RPH3AL: variants seen among roughly 807,000 people sequenced by gnomAD.
The protein encoded by RPH3AL is rabphilin 3A like (without C2 domains), also known as rab effector Noc2.
Under a neutral mutation model 43.1 loss-of-function variants are expected in RPH3AL, and 38 were observed. That is an observed-to-expected ratio of 0.88 (90% CI 0.68 to 1.15). RPH3AL has a LOEUF of 1.15. Ranked by LOEUF, RPH3AL falls within the 50% of genes most tolerant of loss-of-function variation. The pLI is 0.00. For missense variants in RPH3AL, 462 were observed against 423.2 expected (o/e 1.09, Z -0.81); for synonymous variants, 189 against 176.3 (o/e 1.07, Z -0.57).
intron 6 of RPH3AL, among the ~76,000 whole-genome samples, chr17:269,080 G>T (rs182630179): frequency 2.6e-5 from 4 of 152,060 alleles, no homozygotes; most frequent in South Asian, 2.1e-4. Flanking sequence ...GGGTTTCACC[G>T]TGTTAGCCAG....
At chr17:348,392 T>C (rs2045285964) in intron 1 of RPH3AL, among the ~76,000 whole-genome samples, 1 of 152,190 alleles carries the variant, frequency 6.6e-6, no homozygotes, top group African/African-American at 2.4e-5. Flanking sequence ...TTAATAATAA[T>C]GTATCAGTAT....
At chr17:293,468 G>C (rs990049174) in intron 5 of RPH3AL, among the ~76,000 whole-genome samples, 9 of 152,214 alleles carry the variant, frequency 5.9e-5, no homozygotes, top group Admixed American at 3.9e-4. Flanking sequence ...GGATGGCTGG[G>C]GGCCGGGGCT....
intron 1 of RPH3AL, among the ~76,000 whole-genome samples, chr17:350,855 G>A (rs114352463): frequency 0.011 from 1,681 of 152,308 alleles, 48 homozygotes; most frequent in African/African-American, 0.039. Context: ...GCAGGAAACA[G>A]CAGGCTTCCT....
intron 8 of RPH3AL, among the ~76,000 whole-genome samples, chr17:216,583 G>T (rs538683336): frequency 6.6e-6 from 1 of 152,068 alleles, no homozygotes; most frequent in Admixed American, 6.5e-5. Context: ...GGAGCGAGGG[G>T]ACAAGAGCCC....
chr17:294,839 G>C (rs1164753695), intron 5 of RPH3AL, among the ~76,000 whole-genome samples: 2 of 62,048 alleles, frequency 3.2e-5, no homozygotes, highest in Non-Finnish European at 3.5e-5. Flanking sequence ...TGGATGGACA[G>C]AGGGAATGCA....
rs139887483 is a variant in RPH3AL, at chr17:274,724, G to A, written c.438+7044C>T. 3.9e-4 allele frequency among the ~76,000 whole-genome samples: 59 copies of A among 152,310 alleles called. No homozygotes were observed. The East Asian group carries it at 7.9e-3, about 20-fold the overall frequency. On this transcript the variant is annotated intron_variant, in intron 6 of 9. Transcript: ENST00000331302. The surrounding 1 kb of genome is among the most constrained non-coding windows in gnomAD (Gnocchi z 4.7). The stretch of plus-strand genomic sequence containing the variant: ...ACCAAGGGAGGGGCTATGAGGAGAC[G>A]CCTTGGAGTCAATCCTGGGTCTGCG...
At chr17:239,758 C>G (rs1436487694) in intron 7 of RPH3AL, among the ~76,000 whole-genome samples, 4 of 152,152 alleles carry the variant, frequency 2.6e-5, no homozygotes, top group Admixed American at 2.0e-4. Flanking sequence ...TCCTGAGTAG[C>G]TGGGACTACA....
chr17:319,349 G>A (rs529643437), intron 5 of RPH3AL, 71 bp downstream of exon 5: 114 of 1,551,054 alleles, frequency 7.3e-5, no homozygotes, highest in Admixed American at 1.3e-4. Flanking sequence ...GAGCCAGGAT[G>A]CAAAGCCACA....
chr17:308,214 G>A (rs2043550689), intron 5 of RPH3AL, among the ~76,000 whole-genome samples: 1 of 152,240 alleles, frequency 6.6e-6, no homozygotes, highest in Non-Finnish European at 1.5e-5. Flanking sequence ...TGCTTCTACA[G>A]CTCCAGCAAT....
intron 2 of RPH3AL, chr17:331,387 A>G: frequency 4.2e-6 from 1 of 235,716 alleles, no homozygotes; most frequent in South Asian, 3.1e-5. Context: ...ACTGATGGCA[A>G]GTCTGTGGCT....
chr17:281,006 C>T (rs564771206), intron 6 of RPH3AL, among the ~76,000 whole-genome samples: 1 of 152,200 alleles, frequency 6.6e-6, no homozygotes, highest in Non-Finnish European at 1.5e-5. Flanking sequence ...CTGTCCCAGC[C>T]CTGCCTCCCC....
chr17:271,698 A>G (rs141334265), intron 6 of RPH3AL, among the ~76,000 whole-genome samples: 7 of 152,330 alleles, frequency 4.6e-5, no homozygotes, highest in Non-Finnish European at 5.9e-5. Context: ...TAGATATACA[A>G]TCATGTCATC....
intron 6 of RPH3AL, among the ~76,000 whole-genome samples, chr17:268,887 T>G (rs575906184): frequency 4.6e-5 from 7 of 152,162 alleles, no homozygotes; most frequent in African/African-American, 1.7e-4. Flanking sequence ...TTATTTATTA[T>G]TATTTTTTTG....
Position 215,061 on chromosome 17 carries a change from G to A in RPH3AL, c.876+593C>T, listed in dbSNP as rs2040763670. On this transcript the variant is annotated intron_variant, in intron 9 of 9. Coordinates refer to ENST00000331302, the MANE Select transcript of RPH3AL (RefSeq NM_006987.4). The surrounding 1 kb of genome is among the most constrained non-coding windows in gnomAD (Gnocchi z 4.1). ...CTCCACACCCCGGGGACGGAGATCAGCTGCTGCCCTGGTGCATGCGTGTAC... is the reference window on the plus strand; with the variant it reads ...CTCCACACCCCGGGGACGGAGATCAACTGCTGCCCTGGTGCATGCGTGTAC... 1.3e-5 allele frequency among the ~76,000 whole-genome samples: 2 copies of A among 152,226 alleles called. No individual in the cohort carries two copies. Among genetic ancestry groups the A allele is most frequent in the African/African-American group, 4.8e-5 (2 of 41,474 alleles).
chr17:329,470 C>T (rs535877987), intron 2 of RPH3AL, among the ~76,000 whole-genome samples: 2 of 152,262 alleles, frequency 1.3e-5, no homozygotes, highest in Admixed American at 6.5e-5. Flanking sequence ...GAGCGAAACT[C>T]CGTCTCAAAA....
rs376964946 is a variant in RPH3AL at position 237,141 on chromosome 17, G to A, written c.613+9970C>T. Among the ~76,000 whole-genome samples the A allele has an allele frequency of 1.6e-4, 25 of 152,302 alleles. No homozygotes were observed. The South Asian group carries it at 2.5e-3, about 15-fold the overall frequency. Reference sequence around the variant, plus strand: ...AGGATCACTGGGGAAGGGCGGCCCCGGCAAACATTTGCGGCCTGAGCTGAA... The same window carrying A: ...AGGATCACTGGGGAAGGGCGGCCCCAGCAAACATTTGCGGCCTGAGCTGAA... On this transcript the variant is annotated intron_variant, in intron 7 of 9. Transcript: ENST00000331302.
rs1336914814 is a variant in RPH3AL at position 344,715 on chromosome 17, AATC to A, written c.-213+7994_-213+7996del. 1.5e-5 allele frequency among the ~76,000 whole-genome samples: 2 copies of A among 130,082 alleles called. 1 individual carries two copies. The highest frequency in any genetic ancestry group is 5.0e-4 in the East Asian group (2 of 4,030). The allele number at this position is 130,082 out of a possible 152,430, so 85.3% of individuals were successfully genotyped here. On this transcript the variant is annotated intron_variant, in intron 1 of 9. Transcript: ENST00000331302. The stretch of plus-strand genomic sequence containing the variant: ...TCATCTCAGTTACCACCATCACTAT[AATC>A]ATCACCATCATTGTCAATCACCATC...
chr17:223,702 T>A (rs987764672), intron 7 of RPH3AL, among the ~76,000 whole-genome samples: 1 of 152,152 alleles, frequency 6.6e-6, no homozygotes, highest in Non-Finnish European at 1.5e-5. Flanking sequence ...GGCACTGGGA[T>A]GAGGAAACGG....
At chr17:336,889 G>A (rs1038543786) in intron 1 of RPH3AL, among the ~76,000 whole-genome samples, 4 of 152,054 alleles carry the variant, frequency 2.6e-5, no homozygotes, top group African/African-American at 9.7e-5. Context: ...CTCCACCTGG[G>A]GGTGGCCCAG....
Sources: allele counts gnomAD v4.1 joint callset (sites outside exome capture counted in the v4.1 genomes callset), GRCh38; gene constraint gnomAD v4.1.1; non-coding constraint Gnocchi (gnomAD v3.1); transcripts MANE v1.5; gene names NCBI Gene and HGNC (gene_info 2026-07-23, HGNC 2026-07-21).